The following ECT2 variants were observed in gnomAD, a reference collection of about 807,000 sequenced individuals.
ECT2 encodes protein ECT2.
A neutral mutation model predicts 116.9 loss-of-function variants in ECT2; 61 were observed. That is an observed-to-expected ratio of 0.52 (90% confidence interval 0.42 to 0.65). ECT2 has a LOEUF of 0.65. ECT2 is among the 30% of genes least tolerant of loss of function. ECT2 has a pLI of 0.00. For missense variants in ECT2, 937 were observed against 1,078.7 expected (o/e 0.87, Z 1.84); for synonymous variants, 358 against 346.4 (o/e 1.03, Z -0.37).
At position 172,780,853 on chromosome 3, in the gene ECT2, G is replaced by A. The variant is rs1370750859; in HGVS notation, c.1549-1310G>A. On this transcript the variant is annotated intron_variant, in intron 14 of 24. Coordinates refer to ENST00000392692, the MANE Select transcript of ECT2 (RefSeq NM_001258315.2). ...ATTGGCCATTTGTATATTATTTTTGGTGAAATGGCTACTGTCTGTTGCCTG... is the reference window on the plus strand; with the variant it reads ...ATTGGCCATTTGTATATTATTTTTGATGAAATGGCTACTGTCTGTTGCCTG... Among the ~76,000 whole-genome samples the A allele has an allele frequency of 2.0e-5, 3 of 151,848 alleles. No individual in the cohort carries two copies. In the East Asian group the frequency reaches 5.8e-4, roughly 29 times the overall value.
rs1730556569 is a variant in ECT2, at chr3:172,820,516, A to G, written c.*279A>G. 4.3e-6 allele frequency: 1 copy of G among 234,326 alleles called. No individual in the cohort carries two copies. Among genetic ancestry groups the G allele is most frequent in the Non-Finnish European group, 8.3e-6 (1 of 121,176 alleles). 14.5% of individuals were successfully genotyped at this position (234,326 alleles called of 1,614,324 possible). A position where few individuals can be genotyped will look rare whatever the true frequency, so the allele number is the denominator to read the frequency against. Reference sequence around the variant, plus strand: ...ATAATTTAAGTTGCTATCAGCTGATATTAGTAGCTTTGCAACCCTGATAGA... The same window carrying G: ...ATAATTTAAGTTGCTATCAGCTGATGTTAGTAGCTTTGCAACCCTGATAGA... On this transcript the variant is annotated 3_prime_UTR_variant, in exon 25 of 25. Coordinates refer to ENST00000392692, the MANE Select transcript of ECT2 (RefSeq NM_001258315.2).
the ECT2 span, among the ~76,000 whole-genome samples, chr3:172,828,039 G>T: frequency 6.6e-6 from 1 of 150,778 alleles, no homozygotes. Flanking sequence ...AGAAAACTTA[G>T]ATTAAATTCT....
At chr3:172,758,505 G>A (rs1185223181) in intron 5 of ECT2, among the ~76,000 whole-genome samples, 7 of 134,076 alleles carry the variant, frequency 5.2e-5, no homozygotes, top group East Asian at 2.5e-4. Context: ...ACACACAACC[G>A]TTGGGTAAAT....
chr3:172,829,080 A>G, the ECT2 span: 4 of 700,180 alleles, frequency 5.7e-6, no homozygotes, highest in African/African-American at 3.5e-5. Context: ...TCTCTGGGCT[A>G]TTCAAGAAGG....
intron 21 of ECT2, among the ~76,000 whole-genome samples, chr3:172,806,456 A>C (rs1362188236): frequency 3.3e-5 from 5 of 152,088 alleles, no homozygotes; most frequent in African/African-American, 1.2e-4. Flanking sequence ...TACCTACAAC[A>C]GTGTCATCTG....
intron 18 of ECT2, among the ~76,000 whole-genome samples, chr3:172,794,204 T>C (rs997438104): frequency 1.3e-5 from 2 of 152,236 alleles, no homozygotes; most frequent in Non-Finnish European, 2.9e-5. Context: ...TCTTATTTTC[T>C]TTAAGAATGT....
At chr3:172,794,048 G>C (rs572190535) in intron 18 of ECT2, among the ~76,000 whole-genome samples, 98 of 151,496 alleles carry the variant, frequency 6.5e-4, no homozygotes, top group Non-Finnish European at 1.1e-3. Flanking sequence ...CTAGTTTCTG[G>C]CTTGTTTTTT....
chr3:172,764,101 A>G (rs927116021), intron 11 of ECT2, among the ~76,000 whole-genome samples, 177 bp from the exon 12 acceptor site: 1 of 152,240 alleles, frequency 6.6e-6, no homozygotes, highest in Non-Finnish European at 1.5e-5. Context: ...AGACAATTAC[A>G]GTCGTCTCTT....
chr3:172,793,703 A>G (rs1445007481), intron 18 of ECT2, among the ~76,000 whole-genome samples: 8 of 151,384 alleles, frequency 5.3e-5, no homozygotes, highest in Non-Finnish European at 1.0e-4. Flanking sequence ...ACCTCAAGCA[A>G]TCCACCCACA....
intron 13 of ECT2, among the ~76,000 whole-genome samples, chr3:172,772,993 G>A (rs760751557): frequency 6.6e-6 from 1 of 152,158 alleles, no homozygotes; most frequent in Non-Finnish European, 1.5e-5. Context: ...TACCCATACA[G>A]TCTAGAACAC....
At chr3:172,764,116 A>G (rs149590486) in intron 11 of ECT2, among the ~76,000 whole-genome samples, 162 bp from the exon 12 acceptor site, 45 of 152,322 alleles carry the variant, frequency 3.0e-4, no homozygotes, top group Non-Finnish European at 5.7e-4. Flanking sequence ...TCTCTTGACT[A>G]TTATGTTTTA....
At chr3:172,771,671 A>G (rs1720662028) in intron 13 of ECT2, among the ~76,000 whole-genome samples, 1 of 152,190 alleles carries the variant, frequency 6.6e-6, no homozygotes, top group Admixed American at 6.5e-5. Flanking sequence ...TGCATTTCAG[A>G]AAGATAACTT....
rs138212157 is a variant in ECT2 at position 172,799,681 on chromosome 3, A to G, written c.1908-2935A>G. Among the ~76,000 whole-genome samples, 604 of 152,310 alleles carry G rather than the reference A, an allele frequency of 4.0e-3. 18 individuals are homozygous for G. The highest frequency in any genetic ancestry group is 0.037 in the Admixed American group (563 of 15,288). ...TTCTAAAATACTACTCAATGGCTAC[A>G]ATTAGTCTCATCCAGTACCCACAAT... On this transcript the variant is annotated intron_variant, in intron 18 of 24. Coordinates refer to ENST00000392692, the MANE Select transcript of ECT2 (RefSeq NM_001258315.2).
chr3:172,758,375 A>G (rs1033382963), intron 5 of ECT2, among the ~76,000 whole-genome samples: 2 of 152,180 alleles, frequency 1.3e-5, no homozygotes, highest in East Asian at 1.9e-4. Context: ...CAAAACCCAA[A>G]TAAACTTTAA....
chr3:172,756,942 A>G, intron 4 of ECT2, 41 bp from the exon 5 acceptor site: 1 of 1,472,858 alleles, frequency 6.8e-7, no homozygotes, highest in Non-Finnish European at 9.2e-7. Flanking sequence ...ATTATTTGAT[A>G]TATAAATAAT....
Position 172,804,090 on chromosome 3 carries a change from G to A in ECT2, c.2106+1110G>A, listed in dbSNP as rs569129265. On this transcript the variant is annotated intron_variant, in intron 20 of 24. Coordinates refer to ENST00000392692, the MANE Select transcript of ECT2 (RefSeq NM_001258315.2). ...TGAGATTACCATTGGGATTACAGGC[G>A]TGAGCCACTGCACCTGCCTCCTTTT... 4.6e-5 allele frequency among the ~76,000 whole-genome samples: 7 copies of A among 152,218 alleles called. No individual in the cohort carries two copies. The South Asian group carries it at 1.0e-3, about 23-fold the overall frequency.
At chr3:172,800,019 TG>T (rs779709254) in intron 18 of ECT2, among the ~76,000 whole-genome samples, 13 of 152,264 alleles carry the variant, frequency 8.5e-5, no homozygotes, top group Non-Finnish European at 8.8e-5. Flanking sequence ...CCCCACAATG[TG>T]GGATAGAGAC....
At chr3:172,812,902 G>A (rs530805217) in intron 22 of ECT2, among the ~76,000 whole-genome samples, 1 of 152,090 alleles carries the variant, frequency 6.6e-6, no homozygotes, top group Non-Finnish European at 1.5e-5. Context: ...ATACAACTGA[G>A]CTTATCCATA....
chr3:172,815,562 TTG>T (rs752685208), intron 22 of ECT2, 40 bp from the exon 23 acceptor site: 3 of 1,246,442 alleles, frequency 2.4e-6, no homozygotes, highest in Non-Finnish European at 2.3e-6. Context: ...TTAGAAACAG[TTG>T]TGTGTTTTTA....
Sources: gnomAD v4.1 joint callset for allele counts (sites outside exome capture counted in the v4.1 genomes callset) on GRCh38, gnomAD v4.1.1 for gene constraint, MANE v1.5 for transcripts, NCBI Gene and HGNC (gene_info 2026-07-23, HGNC 2026-07-21) for gene names.